ZNF276: variants seen among roughly 807,000 people sequenced by gnomAD.
ZNF276 encodes centromere protein Z.
A neutral mutation model predicts 63.9 loss-of-function variants in ZNF276; 59 were observed. The ratio of observed to expected loss-of-function variants is 0.92; its 90% CI spans 0.75 to 1.15. The LOEUF (loss-of-function observed/expected upper bound fraction) is 1.15. Among genes scored for constraint, ZNF276 ranks in the 50% most tolerant of loss-of-function variants. ZNF276 has a pLI of 0.00. For synonymous variants in ZNF276, 496 were observed against 348.4 expected (o/e 1.42, Z -4.72); for missense variants, 1,084 against 843.8 (o/e 1.28, Z -3.53).
intron 1 of ZNF276, 113 bp downstream of exon 1, chr16:89,721,958 C>G: frequency 1.4e-6 from 1 of 730,494 alleles, no homozygotes; most frequent in Non-Finnish European, 1.8e-6. Flanking sequence ...CGGCCAAGGG[C>G]GTAGCGGACT....
At chr16:89,727,749 C>T (rs2061512668) in intron 5 of ZNF276, among the ~76,000 whole-genome samples, 1 of 152,220 alleles carries the variant, frequency 6.6e-6, no homozygotes, top group Non-Finnish European at 1.5e-5. Context: ...TGGCTGGGTC[C>T]TTTGCTTCTG....
In ZNF276 at chr16:89,737,963, C is replaced by G; in HGVS notation, c.1575-13C>G. The G allele has an allele frequency of 2.5e-6, 4 of 1,614,124 alleles. No individual in the cohort carries two copies. The highest frequency in any genetic ancestry group is 3.4e-6 in the Non-Finnish European group (4 of 1,179,982). On this transcript the variant is annotated splice_polypyrimidine_tract_variant and intron_variant, in intron 10 of 10. Transcript: ENST00000443381. ...GTGGCCCTCGCACCTTCTTATCTGCCTCTGTCCCCCAGGTGTGAGGTCTGT... is the reference window on the plus strand; with the variant it reads ...GTGGCCCTCGCACCTTCTTATCTGCGTCTGTCCCCCAGGTGTGAGGTCTGT...
At position 89,739,718 on chromosome 16, in the gene ZNF276, G is replaced by A; in HGVS notation, c.*1472G>A. The A allele has an allele frequency of 5.3e-6, 8 of 1,505,936 alleles. No individual in the cohort carries two copies. The highest frequency in any genetic ancestry group is 7.1e-6 in the Non-Finnish European group (8 of 1,127,188). The allele number at this position is 1,505,936 out of a possible 1,614,324, so 93.3% of individuals were successfully genotyped here. ...GATACCCAGGTACCTGTCAGCAGCT[G>A]GGAGAGGATGGGGGGGTCGACCTCT... On this transcript the variant is annotated 3_prime_UTR_variant, in exon 11 of 11. Transcript: ENST00000443381.
chr16:89,731,495 C>G (rs11643623), intron 6 of ZNF276: 1 of 152,184 alleles, frequency 6.6e-6, no homozygotes, highest in Non-Finnish European at 1.5e-5. Flanking sequence ...CCTCATGATC[C>G]GCCCGCCTCA....
rs911481295 is a variant in ZNF276, at chr16:89,739,290, CTA to C, written c.*1045_*1046del. ...GTCTTCATGGAAGTAGGAGAGAAGA[CTA>C]GAGGTAAAGACATAGTGACAAATGG... is the stretch of plus-strand genomic sequence containing the variant. On this transcript the variant is annotated 3_prime_UTR_variant, in exon 11 of 11. Coordinates refer to ENST00000443381, the MANE Select transcript of ZNF276 (RefSeq NM_001113525.2). The C allele has an allele frequency of 1.9e-6, 3 of 1,614,020 alleles. No individual in the cohort carries two copies. The highest frequency in any genetic ancestry group is 2.7e-5 in the African/African-American group (2 of 74,944).
chr16:89,737,629 A>C, intron 9 of ZNF276, 177 bp from the exon 10 acceptor site: 1 of 1,240,578 alleles, frequency 8.1e-7, no homozygotes, highest in Non-Finnish European at 1.1e-6. Context: ...ACAGTGTATA[A>C]AGCAGTTTAA....
rs2062102142 is a variant in ZNF276 at position 89,740,486 on chromosome 16, T to G, written c.*2240T>G. 4.3e-6 allele frequency: 2 copies of G among 465,000 alleles called. No individual in the cohort carries two copies. The highest frequency in any genetic ancestry group is 7.8e-6 in the Non-Finnish European group (2 of 257,274). The allele number at this position is 465,000 out of a possible 1,614,324, so 28.8% of individuals were successfully genotyped here. On this transcript the variant is annotated 3_prime_UTR_variant, in exon 11 of 11. Transcript: ENST00000443381. ...CCCGTCTCTACTAAAAATACAAAAATTAGCCGGGTGTGACAGACTCACGCC... is the reference window on the plus strand; with the variant it reads ...CCCGTCTCTACTAAAAATACAAAAAGTAGCCGGGTGTGACAGACTCACGCC...
In ZNF276 at chr16:89,729,245, A is replaced by T; in HGVS notation, c.1096A>T (p.Ser366Cys). ...FSDLSEGDVLSEDENDKKQNA... is the reference protein window; with the variant it reads ...FSDLSEGDVLCEDENDKKQNA... The stretch of plus-strand genomic sequence containing the variant: ...TCTCTTAATTCCTAGAGACGTCTTG[A>T]GTGAAGATGAAAATGACAAGAAGCA... The change falls in exon 6 of 11, where the codon AGT becomes TGT. Residue 366 changes from serine to cysteine, a missense_variant. Physicochemically the swap from Ser to Cys is moderately radical, Grantham distance 112. Coordinates refer to ENST00000443381, the MANE Select transcript of ZNF276 (RefSeq NM_001113525.2). 6.2e-7 allele frequency: 1 copy of T among 1,614,078 alleles called. No individual in the cohort carries two copies. The highest frequency in any genetic ancestry group is 8.5e-7 in the Non-Finnish European group (1 of 1,179,978).
chr16:89,728,140 C>G (rs1394866040), intron 5 of ZNF276, among the ~76,000 whole-genome samples: 1 of 151,532 alleles, frequency 6.6e-6, no homozygotes, highest in Admixed American at 6.6e-5. Context: ...GTGGCTAAGA[C>G]TGTCCTCAGG....
At chr16:89,735,070 T>A (rs571493797) in intron 9 of ZNF276, among the ~76,000 whole-genome samples, 4 of 150,442 alleles carry the variant, frequency 2.7e-5, no homozygotes, top group African/African-American at 9.8e-5. Context: ...GAGGTGGAGG[T>A]TGCAGTGAGC....
chr16:89,729,426 G>C (rs1025213261), intron 6 of ZNF276, 108 bp downstream of exon 6: 1 of 1,009,906 alleles, frequency 9.9e-7, no homozygotes, highest in Non-Finnish European at 1.5e-6. Context: ...TCTCTCGTGT[G>C]CGGATCTCCC....
At chr16:89,721,930 C>A in intron 1 of ZNF276, 85 bp downstream of exon 1, 1 of 965,968 alleles carries the variant, frequency 1.0e-6, no homozygotes, top group Non-Finnish European at 1.3e-6. Flanking sequence ...CGGAAGCCGG[C>A]GCGGCCTCTC....
chr16:89,740,653 A>C lies in ZNF276; in HGVS notation c.*2407A>C, dbSNP rs531239086. The C allele has an allele frequency of 4.6e-6, 3 of 658,138 alleles. No homozygotes were observed. The highest frequency in any genetic ancestry group is 5.4e-6 in the Non-Finnish European group (2 of 370,108). 40.8% of individuals were successfully genotyped at this position (658,138 alleles called of 1,614,324 possible). ...CCCCATCTCAAAAAAAAAAAAAAAA[A>C]ACCCACGGCCTGGGAGTTCTCACTC... is the stretch of plus-strand genomic sequence containing the variant. On this transcript the variant is annotated 3_prime_UTR_variant, in exon 11 of 11. Coordinates refer to ENST00000443381, the MANE Select transcript of ZNF276 (RefSeq NM_001113525.2).
Position 89,723,294 on chromosome 16 carries a change from C to T in ZNF276, c.591C>T (p.His197=), listed in dbSNP as rs146301673. Residue 197 remains histidine (H), a synonymous_variant, in exon 4 of 11, where the codon CAC becomes CAT. Transcript: ENST00000443381. ...DLITSSPQCL[H]GLVGWVHGHA... ...TCACATCCAGCCCCCAGTGCCTGCA[C>T]GGCTTGGTGGGGTGGGTGCATGGAC... 445 of 1,613,028 alleles carry T rather than the reference C, an allele frequency of 2.8e-4. 4 individuals carry two copies. The East Asian group carries it at 9.4e-3, about 34-fold the overall frequency.
At chr16:89,729,462 CAGTG>C in intron 6 of ZNF276, 144 bp downstream of exon 6, 1 of 726,236 alleles carries the variant, frequency 1.4e-6, no homozygotes, top group Non-Finnish European at 2.3e-6. Flanking sequence ...TGGCTTCCCT[CAGTG>C]AGCGGGAGGC....
rs2151714594 is a variant in ZNF276 at position 89,739,998 on chromosome 16, C to T, written c.*1752C>T. ...CCTCAGCAGCGTGTTTCTTACCACT[C>T]TCTGTCAACTGAAAGAGTGCCAGCC... On this transcript the variant is annotated 3_prime_UTR_variant, in exon 11 of 11. Coordinates refer to ENST00000443381, the MANE Select transcript of ZNF276 (RefSeq NM_001113525.2). 1 of 1,614,148 alleles carries T rather than the reference C, an allele frequency of 6.2e-7. No individual in the cohort carries two copies. Among genetic ancestry groups the T allele is most frequent in the Admixed American group, 1.7e-5 (1 of 60,020 alleles).
intron 6 of ZNF276, chr16:89,732,730 G>C (rs1281555079): frequency 6.6e-6 from 1 of 151,272 alleles, no homozygotes; most frequent in South Asian, 8.5e-5. Flanking sequence ...TCTGCCGTTT[G>C]CCCCTGACCC....
rs769404619 is a variant in ZNF276, at chr16:89,740,785, C to T, written c.*2539C>T. 6.2e-7 allele frequency: 1 copy of T among 1,611,588 alleles called. No homozygotes were observed. The highest frequency in any genetic ancestry group is 1.7e-5 in the Admixed American group (1 of 59,892). ...CCCACAGTGGGAGAGGACACCTTGG[C>T]TGGTAAGGTCTGACTTACATTTGAG... On this transcript the variant is annotated 3_prime_UTR_variant, in exon 11 of 11. Transcript: ENST00000443381.
At chr16:89,722,999 T>G (rs2061349901) in intron 2 of ZNF276, 138 bp from the exon 3 acceptor site, 1 of 1,584,100 alleles carries the variant, frequency 6.3e-7, no homozygotes, top group African/African-American at 1.3e-5. Flanking sequence ...AGAGATGAAC[T>G]GGGAGGAGCT....
Sources: gnomAD v4.1 joint callset for allele counts (sites outside exome capture counted in the v4.1 genomes callset) on GRCh38, gnomAD v4.1.1 for gene constraint, MANE v1.5 for transcripts, NCBI Gene and HGNC (gene_info 2026-07-23, HGNC 2026-07-21) for gene names.